The following WIPF3 variants were observed in gnomAD, a reference collection of about 807,000 sequenced individuals.
WIPF3 encodes WAS/WASL interacting protein family member 3, also known as WAS/WASL-interacting protein family member 3.
Under a neutral mutation model 38.9 loss-of-function variants are expected in WIPF3, and 33 were observed. That is an observed-to-expected ratio of 0.85 (90% CI 0.64 to 1.14). The LOEUF is 1.14. Among genes scored for constraint, WIPF3 ranks in the 50% most tolerant of loss-of-function variants. WIPF3 has a pLI of 0.00. For synonymous variants in WIPF3, 324 were observed against 269.3 expected (o/e 1.20, Z -1.99); for missense variants, 711 against 652.5 (o/e 1.09, Z -0.98).
chr7:29,843,622 G>A (rs1428759002), intron 2 of WIPF3, among the ~76,000 whole-genome samples: 2 of 152,090 alleles, frequency 1.3e-5, no homozygotes, highest in Non-Finnish European at 2.9e-5. Flanking sequence ...AGATTCCAGG[G>A]TAACTAACGA....
At chr7:29,838,794 C>T (rs1784864555) in intron 2 of WIPF3, among the ~76,000 whole-genome samples, 1 of 152,058 alleles carries the variant, frequency 6.6e-6, no homozygotes, top group Non-Finnish European at 1.5e-5. Flanking sequence ...ATGAATAGCA[C>T]AAAACTGGAA....
chr7:29,887,338 G>A (rs949514236), intron 5 of WIPF3, among the ~76,000 whole-genome samples: 2 of 152,208 alleles, frequency 1.3e-5, no homozygotes, highest in Non-Finnish European at 2.9e-5. Context: ...AGTGATGTTT[G>A]CAGTGCCACT....
chr7:29,876,542 T>C (rs1431785040), intron 3 of WIPF3, among the ~76,000 whole-genome samples: 1 of 152,260 alleles, frequency 6.6e-6, no homozygotes, highest in Non-Finnish European at 1.5e-5. Flanking sequence ...TCATAGATGT[T>C]GGAGCATGTA....
intron 7 of WIPF3, among the ~76,000 whole-genome samples, chr7:29,899,156 A>G (rs1307029487): frequency 6.6e-6 from 1 of 152,126 alleles, no homozygotes; most frequent in African/African-American, 2.4e-5. Flanking sequence ...TAATCCCATC[A>G]TGAGGGTCCC....
chr7:29,822,694 C>T (rs561702284), intron 1 of WIPF3, among the ~76,000 whole-genome samples: 212 of 152,308 alleles, frequency 1.4e-3, no homozygotes, highest in African/African-American at 4.9e-3. Flanking sequence ...ATCCACAACC[C>T]GTGTCAGATC....
intron 8 of WIPF3, among the ~76,000 whole-genome samples, chr7:29,910,547 A>T (rs922425050): frequency 6.6e-6 from 1 of 152,214 alleles, no homozygotes; most frequent in Non-Finnish European, 1.5e-5. Flanking sequence ...ATCCAGTAGT[A>T]TATTAAAAGG....
At chr7:29,822,722 G>A (rs765292683) in intron 1 of WIPF3, among the ~76,000 whole-genome samples, 7 of 152,140 alleles carry the variant, frequency 4.6e-5, no homozygotes, top group Non-Finnish European at 7.3e-5. Flanking sequence ...GCAATGAACC[G>A]TCCTGTCTCA....
intron 2 of WIPF3, among the ~76,000 whole-genome samples, chr7:29,871,771 T>A (rs1360053367): frequency 2.6e-5 from 4 of 152,246 alleles, no homozygotes; most frequent in Non-Finnish European, 5.9e-5. Context: ...GTATTTTTTT[T>A]ATTCTATCCT....
At chr7:29,810,578 G>T (rs1028486522) in intron 1 of WIPF3, among the ~76,000 whole-genome samples, 1 of 152,188 alleles carries the variant, frequency 6.6e-6, no homozygotes, top group Non-Finnish European at 1.5e-5. Context: ...AACTTTCACT[G>T]TCTCATTCCC....
chr7:29,904,663 G>A (rs1786357097), intron 8 of WIPF3: 1 of 323,520 alleles, frequency 3.1e-6, no homozygotes, highest in Admixed American at 4.6e-5. Context: ...TGGTTATGAT[G>A]GCCTGTGAGA....
At chr7:29,839,025 G>C (rs767705897) in intron 2 of WIPF3, among the ~76,000 whole-genome samples, 3 of 152,154 alleles carry the variant, frequency 2.0e-5, no homozygotes, top group Non-Finnish European at 2.9e-5. Flanking sequence ...AGACAAGCTG[G>C]TAAAATTATG....
rs753755414 is a variant in WIPF3, at chr7:29,884,058, G to A, written c.564G>A (p.Pro188=). ...CCCCTCCGCCTCCACCCTTACCCCC[G>A]CCCCTTCCCTCTTCCTCCCCCATCA... ...TPPPPPPPLP[P]PLPSSSPIKT... Residue 188 remains proline (P), a synonymous_variant, in exon 5 of 9, where the codon CCG becomes CCA. Transcript: ENST00000242140. The A allele has an allele frequency of 5.2e-6, 4 of 774,526 alleles. No individual in the cohort carries two copies. The highest frequency in any genetic ancestry group is 3.3e-5 in the South Asian group (1 of 30,626). The allele number at this position is 774,526 out of a possible 1,614,324, so 48.0% of individuals were successfully genotyped here.
chr7:29,822,157 A>G (rs1230844497), intron 1 of WIPF3, among the ~76,000 whole-genome samples: 2 of 25,542 alleles, frequency 7.8e-5, no homozygotes, highest in Non-Finnish European at 1.6e-4. Context: ...TATAGATCTT[A>G]TACTGGTTCT....
chr7:29,908,599 G>T (rs553338556), intron 8 of WIPF3, among the ~76,000 whole-genome samples: 2 of 152,270 alleles, frequency 1.3e-5, no homozygotes, highest in Non-Finnish European at 2.9e-5. Context: ...CAAATTAAGT[G>T]TCTTAAATGA....
intron 7 of WIPF3, among the ~76,000 whole-genome samples, chr7:29,892,489 G>A (rs1786044083): frequency 6.6e-6 from 1 of 152,242 alleles, no homozygotes; most frequent in South Asian, 2.1e-4. Flanking sequence ...CAGTTCCAGG[G>A]CCGTCATGGA....
Position 29,884,122 on chromosome 7 carries a change from G to A in WIPF3, c.628G>A (p.Gly210Arg). Residue 210 changes from glycine to arginine, a missense_variant, in exon 5 of 9, where the codon GGG becomes AGG. Transcript: ENST00000242140. ...LVSPPGPLTKGNLPVVAPPVP... is the reference protein window; with the variant it reads ...LVSPPGPLTKRNLPVVAPPVP... ...GTCCCCACCCGGCCCACTGACCAAA[G>A]GGAACCTCCCGGTGGTTGCACCCCC... The A allele has an allele frequency of 6.6e-7, 1 of 1,524,130 alleles. No individual in the cohort carries two copies. The highest frequency in any genetic ancestry group is 1.2e-5 in the South Asian group (1 of 81,518). 94.4% of individuals were successfully genotyped at this position (1,524,130 alleles called of 1,614,324 possible).
intron 7 of WIPF3, among the ~76,000 whole-genome samples, chr7:29,896,047 C>T (rs569877634): frequency 1.3e-5 from 2 of 152,086 alleles, no homozygotes; most frequent in South Asian, 4.2e-4. Context: ...TTAGTGGTTT[C>T]CAGAGAGAAG....
intron 2 of WIPF3, among the ~76,000 whole-genome samples, chr7:29,836,754 C>CAA (rs1784809151): frequency 2.1e-5 from 3 of 146,002 alleles, no homozygotes; most frequent in South Asian, 2.2e-4. Context: ...TTTGGGAGGC[C>CAA]GAGGTGGGCA....
chr7:29,839,668 C>T (rs1042937263), intron 2 of WIPF3, among the ~76,000 whole-genome samples: 7 of 152,162 alleles, frequency 4.6e-5, no homozygotes, highest in Non-Finnish European at 7.4e-5. Context: ...TGTTTTTTAT[C>T]GTCCTCCAGC....
Sources: allele counts gnomAD v4.1 joint callset (sites outside exome capture counted in the v4.1 genomes callset), GRCh38; gene constraint gnomAD v4.1.1; transcripts MANE v1.5; gene names NCBI Gene and HGNC (gene_info 2026-07-23, HGNC 2026-07-21).